Variants in SLC38A7 observed in about 807,000 individuals in gnomAD.
SLC38A7 encodes the protein sodium-coupled neutral amino acid transporter 7.
In SLC38A7, 29 loss-of-function variants were observed where a neutral mutation model predicts 50.1. The ratio of observed to expected loss-of-function variants is 0.58; its 90% CI spans 0.43 to 0.79. The LOEUF (loss-of-function observed/expected upper bound fraction) is 0.79, where lower values mean the gene tolerates loss of function less well. Among genes scored for constraint, SLC38A7 ranks in the 30% least tolerant of loss-of-function variants. SLC38A7 has a pLI of 0.00. For synonymous variants in SLC38A7, 244 were observed against 245.9 expected (o/e 0.99, Z 0.07); for missense variants, 483 against 610.6 (o/e 0.79, Z 2.20).
At chr16:58,670,745 T>C (rs1019899210) in intron 10 of SLC38A7, among the ~76,000 whole-genome samples, 3 of 152,340 alleles carry the variant, frequency 2.0e-5, no homozygotes, top group South Asian at 2.1e-4. Flanking sequence ...GTTAAAAGAA[T>C]AGACTCTGGA....
At chr16:58,680,914 C>T (rs192514906) in intron 2 of SLC38A7, among the ~76,000 whole-genome samples, 22 of 152,286 alleles carry the variant, frequency 1.4e-4, no homozygotes, top group African/African-American at 4.6e-4. Context: ...TTTGCCGCCA[C>T]CCTTTTAGGT....
chr16:58,671,242 G>A lies in SLC38A7; in HGVS notation c.1034C>T (p.Ala345Val), dbSNP rs778140612. The part of the protein sequence containing the change: ...SYPILHFCGR[A>V]VVEGLWLRYQ... ...GCGCAGCCACAGGCCTTCCACCACC[G>A]CCCTGCCCACATGGAGAAGGGCTTA... The change falls in exon 10 of 12, where the codon GCG becomes GTG. Residue 345 changes from alanine to valine, a missense_variant and splice_region_variant. By Grantham distance (64) the Ala-to-Val change is moderately conservative. Transcript: ENST00000219320. 24 of 1,613,272 alleles carry A rather than the reference G, an allele frequency of 1.5e-5. No homozygotes were observed. Among genetic ancestry groups the A allele is most frequent in the Admixed American group, 1.3e-4 (8 of 59,958 alleles).
intron 6 of SLC38A7, among the ~76,000 whole-genome samples, chr16:58,676,960 CTT>C (rs35302965): frequency 6.7e-6 from 1 of 150,368 alleles, no homozygotes; most frequent in South Asian, 2.1e-4. Flanking sequence ...GGCCCCCCCC[CTT>C]TTTTTTTAAT....
At position 58,671,121 on chromosome 16, in the gene SLC38A7, C is replaced by T; in HGVS notation, c.1155G>A (p.Ala385=). ...LVWFLLTLLL[A]LFIPDIGKVI... ...CCTTGCCGATGTCAGGGATGAAGAGCGCCAGCAGCAGGGTGAGCAGGAACC... is the reference window on the plus strand; with the variant it reads ...CCTTGCCGATGTCAGGGATGAAGAGTGCCAGCAGCAGGGTGAGCAGGAACC... The change falls in exon 10 of 12, where the codon GCG becomes GCA. Residue 385 remains alanine (A), a synonymous_variant. Transcript: ENST00000219320. The T allele has an allele frequency of 3.1e-6, 5 of 1,613,908 alleles. No individual in the cohort carries two copies. Among genetic ancestry groups the T allele is most frequent in the African/African-American group, 1.3e-5 (1 of 75,018 alleles).
intron 11 of SLC38A7, among the ~76,000 whole-genome samples, chr16:58,668,893 C>T (rs2044101175): frequency 6.7e-6 from 1 of 150,022 alleles, no homozygotes; most frequent in African/African-American, 2.4e-5. Context: ...CTACCTCAGC[C>T]TCCCGAGCTA....
intron 7 of SLC38A7, 43 bp downstream of exon 7, chr16:58,676,246 T>C (rs781755480): frequency 6.2e-7 from 1 of 1,613,444 alleles, no homozygotes; most frequent in South Asian, 1.1e-5. Context: ...CAGGGTGGGG[T>C]GATCTAAGGG....
intron 2 of SLC38A7, among the ~76,000 whole-genome samples, chr16:58,680,781 G>T (rs28653142): frequency 0.27 from 40,301 of 152,016 alleles, 5,673 homozygotes; most frequent in African/African-American, 0.35. Flanking sequence ...TGTGGCTTTC[G>T]AGGCCCTTCG....
intron 9 of SLC38A7, 95 bp from the exon 10 acceptor site, chr16:58,671,339 G>C (rs983983981): frequency 1.3e-4 from 165 of 1,275,480 alleles, no homozygotes; most frequent in Non-Finnish European, 1.7e-4. Flanking sequence ...GGTAGACTGC[G>C]GGGAAAGCCC....
intron 11 of SLC38A7, among the ~76,000 whole-genome samples, chr16:58,669,530 T>A (rs1285300603): frequency 6.6e-6 from 1 of 152,090 alleles, no homozygotes; most frequent in Non-Finnish European, 1.5e-5. Flanking sequence ...CAGACCATAC[T>A]GGTAACATGG....
At chr16:58,679,486 TC>T (rs2044340880) in intron 3 of SLC38A7, 2 of 484,538 alleles carry the variant, frequency 4.1e-6, no homozygotes, top group Non-Finnish European at 7.2e-6. Context: ...GTTTCATCAT[TC>T]CCCTTCCCTC....
intron 5 of SLC38A7, 142 bp from the exon 6 acceptor site, chr16:58,677,566 C>CTACTTCTCA: frequency 1.4e-6 from 1 of 691,006 alleles, no homozygotes; most frequent in Non-Finnish European, 2.5e-6. Context: ...ACTCAGGAAA[C>CTACTTCTCA]GCCTGAGAAG....
chr16:58,673,162 T>G (rs2044191216), intron 8 of SLC38A7, among the ~76,000 whole-genome samples: 1 of 142,468 alleles, frequency 7.0e-6, no homozygotes, highest in Non-Finnish European at 1.5e-5. Context: ...AATGGCATGA[T>G]CTTGGTCTCC....
rs28716716 is a variant in SLC38A7, at chr16:58,676,146, A to G, written c.769-92T>C. On this transcript the variant is annotated intron_variant, in intron 7 of 11. Coordinates refer to ENST00000219320, the MANE Select transcript of SLC38A7 (RefSeq NM_018231.3). ...CCTTGGGAACAAAGACCCCAGGAAC[A>G]AGGGGCAAGTCCTGAGGCCCCTGTT... 994 of 1,544,286 alleles carry G rather than the reference A, an allele frequency of 6.4e-4. 10 individuals carry two copies. The African/African-American group carries it at 0.012, about 19-fold the overall frequency.
rs1405597803 is a variant in SLC38A7 at position 58,678,864 on chromosome 16, C to T, written c.301G>A (p.Val101Ile). The T allele has an allele frequency of 6.2e-7, 1 of 1,613,998 alleles. No homozygotes were observed. Among genetic ancestry groups the T allele is most frequent in the Admixed American group, 1.7e-5 (1 of 60,024 alleles). The change falls in exon 4 of 12, where the codon GTC becomes ATC. Residue 101 changes from valine (V) to isoleucine (I), a missense_variant. Physicochemically the swap from Val to Ile is conservative, Grantham distance 29. Transcript: ENST00000219320. This position sits in a 1 kb window ranked among gnomAD's most constrained non-coding sequence, Gnocchi z 4.0. Reference sequence around the variant, plus strand: ...GCCTGGGAGCAGTAGGCCAGGATGACAAGGCCACTGATGATGAAAACCAGC... The same window carrying T: ...GCCTGGGAGCAGTAGGCCAGGATGATAAGGCCACTGATGATGAAAACCAGC... ...GMLVFIISGLVILAYCSQASN... is the reference protein window; with the variant it reads ...GMLVFIISGLIILAYCSQASN...
At chr16:58,668,837 A>C (rs2044099668) in intron 11 of SLC38A7, among the ~76,000 whole-genome samples, 1 of 147,810 alleles carries the variant, frequency 6.8e-6, no homozygotes, top group African/African-American at 2.5e-5. Context: ...CAGTGGTGCG[A>C]TCTCCACTTA....
intron 10 of SLC38A7, 103 bp downstream of exon 10, chr16:58,670,942 G>T: frequency 8.2e-7 from 1 of 1,225,298 alleles, no homozygotes; most frequent in Non-Finnish European, 1.2e-6. Flanking sequence ...AGTGCTGGTG[G>T]TTACTCTCTC....
intron 8 of SLC38A7, among the ~76,000 whole-genome samples, chr16:58,673,862 C>G (rs1357694924): frequency 1.3e-5 from 2 of 149,100 alleles, no homozygotes; most frequent in African/African-American, 5.0e-5. Context: ...GTCTCACTTT[C>G]TCCCCCAGGC....
Position 58,682,397 on chromosome 16 carries a change from C to A in SLC38A7, c.-116+1558G>T, listed in dbSNP as rs148231132. Among the ~76,000 whole-genome samples the A allele has an allele frequency of 3.9e-4, 60 of 152,240 alleles. No individual in the cohort carries two copies. The East Asian group carries it at 9.5e-3, about 24-fold the overall frequency. ...CTCCTTCTCCTAGAGTCTCCTCATT[C>A]CTGAGTCCCGATTTCACGGTACTCA... is the stretch of plus-strand genomic sequence containing the variant. On this transcript the variant is annotated intron_variant, in intron 2 of 11. Coordinates refer to ENST00000219320, the MANE Select transcript of SLC38A7 (RefSeq NM_018231.3).
At position 58,667,292 on chromosome 16, in the gene SLC38A7, G is replaced by T; in HGVS notation, c.*93C>A. ...ATGTCCGGATGTCATCCCACCAGTT[G>T]GAATGATCGTGGACTAAGAATGGCC... On this transcript the variant is annotated 3_prime_UTR_variant, in exon 12 of 12. Coordinates refer to ENST00000219320, the MANE Select transcript of SLC38A7 (RefSeq NM_018231.3). The T allele has an allele frequency of 7.6e-7, 1 of 1,314,964 alleles. No homozygotes were observed. The highest frequency in any genetic ancestry group is 1.1e-6 in the Non-Finnish European group (1 of 917,872). The allele number at this position is 1,314,964 out of a possible 1,614,324, so 81.5% of individuals were successfully genotyped here. A position where few individuals can be genotyped will look rare whatever the true frequency, so the allele number is the denominator to read the frequency against.
Sources: gnomAD v4.1 joint callset for allele counts (sites outside exome capture counted in the v4.1 genomes callset) on GRCh38, gnomAD v4.1.1 for gene constraint, Gnocchi (gnomAD v3.1) non-coding constraint, MANE v1.5 for transcripts, NCBI Gene and HGNC (gene_info 2026-07-23, HGNC 2026-07-21) for gene names.